ZBTB34: variants seen among roughly 807,000 people sequenced by gnomAD.
ZBTB34 encodes the protein zinc finger and BTB domain containing 34.
In ZBTB34, 1 loss-of-function variant was observed where a neutral mutation model predicts 33.4. The ratio of observed to expected loss-of-function variants is 0.03; its 90% confidence interval spans 0.01 to 0.14. The LOEUF (loss-of-function observed/expected upper bound fraction) is 0.14. Ranked by LOEUF, ZBTB34 falls within the 10% of genes least tolerant of loss-of-function variation. The pLI, the probability that ZBTB34 is intolerant of heterozygous loss-of-function variation, is 1.00. For synonymous variants in ZBTB34, 283 were observed against 253.5 expected (o/e 1.12, Z -1.11); for missense variants, 406 against 657.2 (o/e 0.62, Z 4.18).
intron 1 of ZBTB34, among the ~76,000 whole-genome samples, chr9:126,872,971 A>G (rs1359247575): frequency 6.6e-6 from 1 of 152,192 alleles, no homozygotes. Flanking sequence ...GTAGTTAAGG[A>G]AAAAACAGGA....
chr9:126,869,121 T>C (rs1211878740), intron 1 of ZBTB34, among the ~76,000 whole-genome samples: 3 of 152,160 alleles, frequency 2.0e-5, no homozygotes, highest in African/African-American at 7.2e-5. Context: ...GTAATCTTGA[T>C]GGATATTACT....
At position 126,871,757 on chromosome 9, in the gene ZBTB34, T is replaced by G. The variant is rs564833082; in HGVS notation, c.-10-7633T>G. On this transcript the variant is annotated intron_variant, in intron 1 of 1. Transcript: ENST00000319119. ...TGGGAAGAGGGGCTGGGGGAAAGTT[T>G]TATTATTTCTGTTCTGTGATCTGAA... is the stretch of plus-strand genomic sequence containing the variant. 1.3e-4 allele frequency among the ~76,000 whole-genome samples: 20 copies of G among 152,188 alleles called. No homozygotes were observed. The South Asian group carries it at 4.1e-3, about 32-fold the overall frequency.
chr9:126,864,677 A>G (rs1040397289), intron 1 of ZBTB34, among the ~76,000 whole-genome samples: 1 of 152,012 alleles, frequency 6.6e-6, no homozygotes, highest in African/African-American at 2.4e-5. Context: ...ATTGGGTTTC[A>G]GTAGCACCAG....
chr9:126,875,676 G>T (rs893726876), intron 1 of ZBTB34, among the ~76,000 whole-genome samples: 2 of 152,074 alleles, frequency 1.3e-5, no homozygotes, highest in African/African-American at 2.4e-5. Context: ...CTTAGTAGAT[G>T]CCTATTCTGA....
At chr9:126,878,640 G>A (rs2033393785) in intron 1 of ZBTB34, among the ~76,000 whole-genome samples, 1 of 151,862 alleles carries the variant, frequency 6.6e-6, no homozygotes, top group Non-Finnish European at 1.5e-5. Flanking sequence ...ATTGTATCCA[G>A]TGTGCTACAG....
exon 2 of ZBTB34, chr9:126,881,807 A>G (rs1413772179): frequency 1.2e-5 from 2 of 167,026 alleles, no homozygotes; most frequent in African/African-American, 4.8e-5. Context: ...TTACTGGCCT[A>G]CAAATCTACC....
At chr9:126,861,759 A>G (rs1166132267) in intron 1 of ZBTB34, among the ~76,000 whole-genome samples, 2 of 152,028 alleles carry the variant, frequency 1.3e-5, no homozygotes, top group East Asian at 1.9e-4. Context: ...TGTTGTTTAT[A>G]TTTGCCCATT....
intron 1 of ZBTB34, among the ~76,000 whole-genome samples, chr9:126,869,189 AC>A (rs1260147673): frequency 2.5e-5 from 2 of 81,222 alleles, no homozygotes; most frequent in Non-Finnish European, 5.0e-5. Context: ...ATGTTTGCCC[AC>A]CCCCACCCCC....
rs775076253 is a variant in ZBTB34, at chr9:126,879,987, C to T, written c.588C>T (p.Ser196=). Residue 196 remains serine, a synonymous_variant, in exon 2 of 2, where the codon AGC becomes AGT. Coordinates refer to ENST00000319119, the Ensembl canonical transcript of ZBTB34. The surrounding 1 kb of genome is among the most constrained non-coding windows in gnomAD (Gnocchi z 6.4). ...CGACCCCCAGCAAAGCTTTGCGCAG[C>T]CGCTTACAGGAGGAGGGGCACTCAG... 5.4e-5 allele frequency: 87 copies of T among 1,613,278 alleles called. No individual in the cohort carries two copies. The highest frequency in any genetic ancestry group is 6.9e-5 in the Non-Finnish European group (82 of 1,179,890).
intron 1 of ZBTB34, among the ~76,000 whole-genome samples, chr9:126,878,143 G>C (rs766713194): frequency 9.2e-5 from 14 of 152,068 alleles, no homozygotes; most frequent in Non-Finnish European, 1.5e-4. Flanking sequence ...AGACCAGCCT[G>C]GGCAACATAA....
intron 1 of ZBTB34, among the ~76,000 whole-genome samples, chr9:126,872,166 G>T (rs1372967370): frequency 1.3e-5 from 2 of 151,912 alleles, no homozygotes; most frequent in Non-Finnish European, 2.9e-5. Flanking sequence ...GGCCAGGCTG[G>T]TCTCGACCTC....
exon 2 of ZBTB34, chr9:126,882,687 G>A (rs1221646997): frequency 1.8e-5 from 3 of 167,082 alleles, no homozygotes; most frequent in South Asian, 2.1e-4. Context: ...AAAAACGAAC[G>A]AAGGACCAGC....
chr9:126,875,192 AT>A (rs2033339642), intron 1 of ZBTB34, among the ~76,000 whole-genome samples: 2 of 152,204 alleles, frequency 1.3e-5, no homozygotes, highest in South Asian at 4.1e-4. Flanking sequence ...AGAATGTAAA[AT>A]GTCTCAACTT....
rs955172057 is a variant in ZBTB34 at position 126,881,972 on chromosome 9, T to G, written c.*1058T>G. ...TGTGGTTTTTTTTGTTTTTGTTTTT[T>G]TTCTTTCTCTTTTCAAACAGCCAGT... On this transcript the variant is annotated 3_prime_UTR_variant, in exon 2 of 2. Coordinates refer to ENST00000319119, the Ensembl canonical transcript of ZBTB34. 1.7e-4 allele frequency: 29 copies of G among 166,806 alleles called. No homozygotes were observed. Among genetic ancestry groups the G allele is most frequent in the African/African-American group, 6.8e-4 (28 of 41,448 alleles). The allele number at this position is 166,806 out of a possible 1,614,324, so 10.3% of individuals were successfully genotyped here. A position where few individuals can be genotyped will look rare whatever the true frequency, so the allele number is the denominator to read the frequency against.
chr9:126,866,009 C>T (rs1000878281), intron 1 of ZBTB34, among the ~76,000 whole-genome samples: 7 of 152,050 alleles, frequency 4.6e-5, no homozygotes, highest in African/African-American at 1.7e-4. Flanking sequence ...CAAAACTAGT[C>T]AGTGGAAAGG....
At position 126,880,717 on chromosome 9, in the gene ZBTB34, T is replaced by A; in HGVS notation, c.1318T>A (p.Cys440Ser). 6.2e-7 allele frequency: 1 copy of A among 1,613,686 alleles called. No homozygotes were observed. The highest frequency in any genetic ancestry group is 8.5e-7 in the Non-Finnish European group (1 of 1,179,874). Reference sequence around the variant, plus strand: ...ATTCCGCTGTGAGATCTGCGGGAAGTGCTTTCCATTCCAAGGTACCCTCAA... The same window carrying A: ...ATTCCGCTGTGAGATCTGCGGGAAGAGCTTTCCATTCCAAGGTACCCTCAA... The change falls in exon 2 of 2, where the codon TGC (cysteine) becomes AGC (serine). Residue 440 changes from cysteine to serine, a missense_variant. Coordinates refer to ENST00000319119, the Ensembl canonical transcript of ZBTB34. The surrounding 1 kb of genome is among the most constrained non-coding windows in gnomAD (Gnocchi z 6.7).
At chr9:126,861,685 C>T (rs1336587012) in intron 1 of ZBTB34, among the ~76,000 whole-genome samples, 2 of 152,206 alleles carry the variant, frequency 1.3e-5, no homozygotes, top group Non-Finnish European at 2.9e-5. Context: ...CCTCATTCAT[C>T]CCTTGCTTTT....
At chr9:126,883,859 G>A (rs1164201927) in exon 2 of ZBTB34, 1 of 167,036 alleles carries the variant, frequency 6.0e-6, no homozygotes, top group Non-Finnish European at 1.5e-5. Flanking sequence ...CATTCAGATC[G>A]GGCAGCAGCA....
At chr9:126,862,558 T>C (rs1281859393) in intron 1 of ZBTB34, among the ~76,000 whole-genome samples, 3 of 152,234 alleles carry the variant, frequency 2.0e-5, no homozygotes, top group African/African-American at 7.2e-5. Context: ...TTACGGCTTC[T>C]TGGGTTTTGC....
Sources: gnomAD v4.1 joint callset for allele counts (sites outside exome capture counted in the v4.1 genomes callset) on GRCh38, gnomAD v4.1.1 for gene constraint, Gnocchi (gnomAD v3.1) non-coding constraint, MANE v1.5 for transcripts, NCBI Gene and HGNC (gene_info 2026-07-23, HGNC 2026-07-21) for gene names.